Variants in FILIP1L observed in about 807,000 individuals in gnomAD.
FILIP1L encodes filamin A-interacting protein 1-like.
A neutral mutation model predicts 96.6 loss-of-function variants in FILIP1L; 55 were observed. That is an observed-to-expected ratio of 0.57 (90% CI 0.46 to 0.71). The LOEUF is 0.71. Ranked by LOEUF, FILIP1L falls within the 30% of genes least tolerant of loss-of-function variation. FILIP1L has a pLI of 0.00. For synonymous variants in FILIP1L, 467 were observed against 473.9 expected, an observed-to-expected ratio of 0.99 and a Z score of 0.19; for missense variants, 1,304 against 1,321.2, an observed-to-expected ratio of 0.99 and a Z score of 0.20.
chr3:100,091,805 T>C (rs2066115000), intron 1 of FILIP1L, among the ~76,000 whole-genome samples: 1 of 152,256 alleles, frequency 6.6e-6, no homozygotes, highest in Non-Finnish European at 1.5e-5. Context: ...CAGGATTATT[T>C]GCTCAGCGTC....
intron 1 of FILIP1L, among the ~76,000 whole-genome samples, chr3:100,015,092 A>G (rs1351389307): frequency 6.6e-6 from 1 of 150,916 alleles, no homozygotes; most frequent in Non-Finnish European, 1.5e-5. Flanking sequence ...TAAGGGTCTA[A>G]TTTCATTCTT....
intron 4 of FILIP1L, among the ~76,000 whole-genome samples, chr3:99,855,673 T>C (rs906273084): frequency 2.0e-5 from 3 of 152,202 alleles, no homozygotes; most frequent in African/African-American, 2.4e-5. Flanking sequence ...ACTTAAAAAA[T>C]CTTACTTAAC....
intron 1 of FILIP1L, among the ~76,000 whole-genome samples, chr3:100,031,079 C>G (rs888124748): frequency 6.6e-6 from 1 of 152,108 alleles, no homozygotes; most frequent in Non-Finnish European, 1.5e-5. Context: ...ATTCCTTTGT[C>G]CAGCTGTCAG....
At chr3:99,978,978 T>C (rs1709046106) in intron 1 of FILIP1L, among the ~76,000 whole-genome samples, 1 of 152,024 alleles carries the variant, frequency 6.6e-6, no homozygotes, top group South Asian at 2.1e-4. Flanking sequence ...GGTTAACAGA[T>C]ACAAAATTAC....
intron 1 of FILIP1L, among the ~76,000 whole-genome samples, chr3:99,991,095 C>G (rs1216960642): frequency 6.6e-6 from 1 of 152,062 alleles, no homozygotes; most frequent in Non-Finnish European, 1.5e-5. Flanking sequence ...TGACATAAGA[C>G]CAAAAAAATT....
At chr3:99,868,320 A>G (rs1156950492) in intron 4 of FILIP1L, among the ~76,000 whole-genome samples, 1 of 152,148 alleles carries the variant, frequency 6.6e-6, no homozygotes, top group African/African-American at 2.4e-5. Flanking sequence ...CAGATCTTCA[A>G]CAAGCTTAAT....
At chr3:99,978,717 A>G (rs1223147370) in intron 1 of FILIP1L, among the ~76,000 whole-genome samples, 1 of 152,152 alleles carries the variant, frequency 6.6e-6, no homozygotes, top group Non-Finnish European at 1.5e-5. Context: ...TAACATGGCA[A>G]AACCCCGCCT....
intron 4 of FILIP1L, 62 bp from the exon 5 acceptor site, chr3:99,851,132 TTAAA>T (rs1488461997): frequency 1.6e-6 from 2 of 1,280,716 alleles, no homozygotes; most frequent in African/African-American, 1.5e-5. Flanking sequence ...TCGAATGTAC[TTAAA>T]TATATATGTA....
chr3:100,057,571 C>T (rs1040338328), intron 1 of FILIP1L, among the ~76,000 whole-genome samples: 3 of 152,156 alleles, frequency 2.0e-5, no homozygotes, highest in Non-Finnish European at 2.9e-5. Flanking sequence ...AAAGTCTGCT[C>T]CCCTCCTGCA....
chr3:100,007,309 T>C (rs1710016093), intron 1 of FILIP1L, among the ~76,000 whole-genome samples: 1 of 152,214 alleles, frequency 6.6e-6, no homozygotes. Flanking sequence ...CCTGAAATTT[T>C]TATTTGACTA....
At chr3:99,934,913 A>G (rs914156343) in intron 1 of FILIP1L, among the ~76,000 whole-genome samples, 2 of 152,256 alleles carry the variant, frequency 1.3e-5, no homozygotes, top group Non-Finnish European at 2.9e-5. Context: ...GGATAGTAGC[A>G]TCAACATTCT....
rs1576581369 is a variant in FILIP1L, at chr3:99,930,994, C to T, written c.27G>A (p.Glu9=). 1 of 1,613,652 alleles carries T rather than the reference C, an allele frequency of 6.2e-7. No homozygotes were observed. The highest frequency in any genetic ancestry group is 8.5e-7 in the Non-Finnish European group (1 of 1,179,908). ...TTGGAAATTTCTTTTGGGCTGAGCC[C>T]TCGGTATCACTGCCTCTGGAACGCA... MRSRGSDT[E]GSAQKKFPRH... is the part of the protein sequence containing the mutation. Residue 9 remains glutamate, a synonymous_variant, in exon 2 of 6, where the codon GAG becomes GAA. Transcript: ENST00000477258.
intron 4 of FILIP1L, among the ~76,000 whole-genome samples, chr3:99,910,970 A>G (rs1706768966): frequency 6.6e-6 from 1 of 152,170 alleles, no homozygotes; most frequent in African/African-American, 2.4e-5. Flanking sequence ...GGCAGAGCTC[A>G]GGTTACAGTT....
rs145178615 is a variant in FILIP1L, at chr3:99,995,737, C to G, written c.-10-64707G>C. ...CTGTGCACTCACAGGTTCAACACCA[C>G]GTGGAAGCTGCCAAGGCTTGGGTCT... On this transcript the variant is annotated intron_variant, in intron 1 of 5. Coordinates refer to ENST00000477258, the MANE Select transcript of FILIP1L (RefSeq NM_001387850.1). 3.9e-5 allele frequency among the ~76,000 whole-genome samples: 6 copies of G among 152,352 alleles called. No individual in the cohort carries two copies. In the East Asian group the frequency reaches 1.2e-3, roughly 29 times the overall value.
chr3:99,916,147 G>A (rs1706943272), intron 4 of FILIP1L, among the ~76,000 whole-genome samples: 1 of 152,182 alleles, frequency 6.6e-6, no homozygotes, highest in African/African-American at 2.4e-5. Context: ...GCCTTCCCCA[G>A]TGTGAGTAGA....
chr3:99,838,363 G>A (rs1366527480), intron 5 of FILIP1L, among the ~76,000 whole-genome samples: 3 of 152,180 alleles, frequency 2.0e-5, no homozygotes, highest in South Asian at 2.1e-4. Flanking sequence ...AATCACTCTT[G>A]GCTATGGTGA....
Position 99,858,390 on chromosome 3 carries a change from G to A in FILIP1L, c.606-7320C>T, listed in dbSNP as rs185848395. On this transcript the variant is annotated intron_variant, in intron 4 of 5. Coordinates refer to ENST00000477258, the MANE Select transcript of FILIP1L (RefSeq NM_001387850.1). The stretch of plus-strand genomic sequence containing the variant: ...TGAGGCAGGAGAATTGCTTGAACCC[G>A]TGAGGCAGAGGTTGCAATGAGCTGA... Among the ~76,000 whole-genome samples, 250 of 152,130 alleles carry A rather than the reference G, an allele frequency of 1.6e-3. 1 individual carries two copies. The highest frequency in any genetic ancestry group is 5.9e-3 in the African/African-American group (243 of 41,484).
At chr3:100,086,692 G>A (rs1444988129) in intron 1 of FILIP1L, among the ~76,000 whole-genome samples, 1 of 152,108 alleles carries the variant, frequency 6.6e-6, no homozygotes, top group Admixed American at 6.5e-5. Context: ...GGGAGCAATG[G>A]CTAACCCATT....
At chr3:99,929,513 AGTGTGTGTGT>A (rs10629410) in intron 3 of FILIP1L, among the ~76,000 whole-genome samples, 1 of 148,170 alleles carries the variant, frequency 6.7e-6, no homozygotes. Context: ...AAGTTCCCAG[AGTGTGTGTGT>A]GTGTGTGTGT....
Sources: gnomAD v4.1 joint callset for allele counts (sites outside exome capture counted in the v4.1 genomes callset) on GRCh38, gnomAD v4.1.1 for gene constraint, MANE v1.5 for transcripts, NCBI Gene and HGNC (gene_info 2026-07-23, HGNC 2026-07-21) for gene names.